TMEM63C: variants seen among roughly 807,000 people sequenced by gnomAD.
The protein encoded by TMEM63C is osmosensitive cation channel TMEM63C.
Under a neutral mutation model 99.2 loss-of-function variants are expected in TMEM63C, and 32 were observed. The ratio of observed to expected loss-of-function variants is 0.32; its 90% confidence interval spans 0.24 to 0.43. The LOEUF (loss-of-function observed/expected upper bound fraction) is 0.43. Among genes scored for constraint, TMEM63C ranks in the 20% least tolerant of loss-of-function variants. The pLI, the probability that TMEM63C is intolerant of heterozygous loss-of-function variation, is 1.00. For synonymous variants in TMEM63C, 376 were observed against 397.9 expected (o/e 0.94, Z 0.66); for missense variants, 826 against 1,053.0 (o/e 0.78, Z 2.98).
chr14:77,246,757 T>A, intron 18 of TMEM63C, 83 bp downstream of exon 18: 1 of 1,179,992 alleles, frequency 8.5e-7, no homozygotes, highest in Non-Finnish European at 1.2e-6. Flanking sequence ...GTCCAGCACC[T>A]GAATTTGCTC....
rs370276426 is a variant in TMEM63C, at chr14:77,256,626, A to T, written c.2321A>T (p.Glu774Val). Reference sequence around the variant, plus strand: ...GGCACCATGAACAACCAGCCGGAAGAGGGAGAAGAAGAGAGTGGTCTGAGG... The same window carrying T: ...GGCACCATGAACAACCAGCCGGAAGTGGGAGAAGAAGAGAGTGGTCTGAGG... The part of the protein sequence containing the change: ...TYGTMNNQPE[E>V]GEEESGLRGF... Residue 774 changes from glutamate (E) to valine (V), a missense_variant, in exon 24 of 24, where the codon GAG (glutamate) becomes GTG (valine). By Grantham distance (121) the Glu-to-Val change is moderately radical. Coordinates refer to ENST00000298351, the MANE Select transcript of TMEM63C (RefSeq NM_020431.4). 2 of 1,613,874 alleles carry T rather than the reference A, an allele frequency of 1.2e-6. No homozygotes were observed. Among genetic ancestry groups the T allele is most frequent in the African/African-American group, 2.7e-5 (2 of 74,916 alleles).
intron 3 of TMEM63C, 79 bp from the exon 4 acceptor site, chr14:77,219,419 C>A (rs1035775923): frequency 1.3e-6 from 2 of 1,488,960 alleles, no homozygotes; most frequent in Admixed American, 3.4e-5. Context: ...AGGGTCTCCC[C>A]CAAGGGAATG....
chr14:77,203,368 C>T (rs767138573), intron 1 of TMEM63C, among the ~76,000 whole-genome samples: 3 of 129,036 alleles, frequency 2.3e-5, no homozygotes, highest in Admixed American at 9.0e-5. Flanking sequence ...GGCAAAAGAG[C>T]GAAACTCCAT....
intron 12 of TMEM63C, among the ~76,000 whole-genome samples, chr14:77,240,092 A>G (rs1358745571): frequency 6.6e-6 from 1 of 152,128 alleles, no homozygotes; most frequent in African/African-American, 2.4e-5. Context: ...TCACCTGACC[A>G]CTGTGGCTCA....
chr14:77,242,503 G>A (rs760910231), intron 14 of TMEM63C, 34 bp downstream of exon 14: 2 of 1,608,820 alleles, frequency 1.2e-6, no homozygotes, highest in Admixed American at 1.7e-5. Context: ...TCTCCTCTGA[G>A]CTCCTCTGAG....
At chr14:77,216,321 T>C (rs1888585687) in intron 2 of TMEM63C, among the ~76,000 whole-genome samples, 1 of 152,194 alleles carries the variant, frequency 6.6e-6, no homozygotes, top group East Asian at 1.9e-4. Context: ...TCCCCTGCCC[T>C]GTAGATATTG....
At position 77,194,540 on chromosome 14, in the gene TMEM63C, T is replaced by TCTTC. The variant is rs1566616287; in HGVS notation, c.-77+12649_-77+12650insCCTT. Among the ~76,000 whole-genome samples the TCTTC allele has an allele frequency of 1.2e-3, 4 of 3,266 alleles. No individual in the cohort carries two copies. The East Asian group carries it at 0.12, about 96-fold the overall frequency. The allele number at this position is 3,266 out of a possible 152,430, so 2.1% of individuals were successfully genotyped here. A position where few individuals can be genotyped will look rare whatever the true frequency, so the allele number is the denominator to read the frequency against. On this transcript the variant is annotated intron_variant, in intron 1 of 23. Transcript: ENST00000298351. ...TTCTTTCTTTCTTTCTTTCTTTCTT[T>TCTTC]CTTTCTTTCTTTCTCTTTCTTTCTT...
intron 1 of TMEM63C, among the ~76,000 whole-genome samples, chr14:77,194,499 TTC>T (rs397730470): frequency 0.16 from 2,161 of 13,176 alleles, 107 homozygotes; most frequent in East Asian, 0.37. Context: ...TCTTTTTTCT[TTC>T]TTTCTTTCTT....
Position 77,244,363 on chromosome 14 carries a change from C to A in TMEM63C, c.1356C>A (p.Thr452=). The part of the protein sequence containing the change: ...PIEKLQNPIV[T]QFFPSVMLWG... ...TCCCCCTGCAGAACCCAATTGTGAC[C>A]CAGTTCTTCCCCTCTGTGATGCTCT... Residue 452 remains threonine (T), a synonymous_variant, in exon 16 of 24, where the codon ACC becomes ACA. Transcript: ENST00000298351. The A allele has an allele frequency of 6.2e-7, 1 of 1,613,794 alleles. No homozygotes were observed. The highest frequency in any genetic ancestry group is 8.5e-7 in the Non-Finnish European group (1 of 1,179,762).
intron 22 of TMEM63C, among the ~76,000 whole-genome samples, 200 bp downstream of exon 22, chr14:77,252,098 A>C (rs1889377017): frequency 1.3e-5 from 2 of 150,850 alleles, no homozygotes; most frequent in Admixed American, 6.6e-5. Context: ...CATGCCTTGC[A>C]CTAGCTTAGG....
intron 21 of TMEM63C, 161 bp from the exon 22 acceptor site, chr14:77,251,628 G>A (rs1311970080): frequency 4.8e-6 from 3 of 621,166 alleles, no homozygotes; most frequent in Non-Finnish European, 8.6e-6. Flanking sequence ...GCAAAGGGAT[G>A]ATGTTATTTT....
chr14:77,242,937 G>A lies in TMEM63C; in HGVS notation c.1222G>A (p.Ala408Thr). ...GTCTGTCCGCCGCTTCTTTTGGTGG[G>A]CCCGCTTTATCGCAATCAACACCTT... ...HLSVRRFFWWARFIAINTFLF... is the reference protein window; with the variant it reads ...HLSVRRFFWWTRFIAINTFLF... Residue 408 changes from alanine (A) to threonine (T), a missense_variant, in exon 15 of 24, where the codon GCC becomes ACC. By Grantham distance (58) the Ala-to-Thr change is moderately conservative (BLOSUM62 0). Transcript: ENST00000298351. 6.2e-7 allele frequency: 1 copy of A among 1,613,980 alleles called. No homozygotes were observed. Among genetic ancestry groups the A allele is most frequent in the Non-Finnish European group, 8.5e-7 (1 of 1,179,896 alleles).
At chr14:77,195,751 C>A (rs756959951) in intron 1 of TMEM63C, among the ~76,000 whole-genome samples, 1 of 152,196 alleles carries the variant, frequency 6.6e-6, no homozygotes, top group Non-Finnish European at 1.5e-5. Flanking sequence ...CTCCCAGTGC[C>A]GTGCTGTCTC....
intron 22 of TMEM63C, among the ~76,000 whole-genome samples, chr14:77,252,346 G>T (rs529534596): frequency 3.9e-5 from 6 of 152,186 alleles, no homozygotes; most frequent in Non-Finnish European, 7.4e-5. Context: ...TGAACTTGAG[G>T]TGGCCATGTT....
intron 6 of TMEM63C, among the ~76,000 whole-genome samples, chr14:77,230,272 C>T (rs959073174): frequency 2.0e-5 from 3 of 152,098 alleles, no homozygotes. Context: ...TGATCCACAA[C>T]TAGAACATCG....
intron 5 of TMEM63C, among the ~76,000 whole-genome samples, chr14:77,222,776 G>A (rs1888748251): frequency 6.6e-6 from 1 of 152,174 alleles, no homozygotes. Context: ...CTTCCCCAGG[G>A]AGCCCTGACC....
In TMEM63C at chr14:77,242,489, C is replaced by T. The variant is rs554063212; in HGVS notation, c.1187+20C>T. On this transcript the variant is annotated intron_variant, in intron 14 of 23. Transcript: ENST00000298351. Reference sequence around the variant, plus strand: ...TATTTGGTAAGCCTCCTCCATCCCTCCCCTCTCCTCTGAGCTCCTCTGAGA... The same window carrying T: ...TATTTGGTAAGCCTCCTCCATCCCTTCCCTCTCCTCTGAGCTCCTCTGAGA... 3.9e-4 allele frequency: 624 copies of T among 1,611,918 alleles called. 9 individuals carry two copies. The South Asian group carries it at 6.4e-3, about 17-fold the overall frequency.
chr14:77,200,565 C>A (rs1440387482), intron 1 of TMEM63C, among the ~76,000 whole-genome samples: 1 of 152,248 alleles, frequency 6.6e-6, no homozygotes, highest in South Asian at 2.1e-4. Flanking sequence ...AGGCAGCCAA[C>A]GTGGCTCTGG....
intron 1 of TMEM63C, among the ~76,000 whole-genome samples, chr14:77,191,763 C>T (rs1052349939): frequency 8.6e-5 from 13 of 152,008 alleles, no homozygotes; most frequent in South Asian, 4.1e-4. Flanking sequence ...AGGCTGGTCT[C>T]GAACTCCCGA....
Sources: gnomAD v4.1 joint callset for allele counts (sites outside exome capture counted in the v4.1 genomes callset) on GRCh38, gnomAD v4.1.1 for gene constraint, MANE v1.5 for transcripts, NCBI Gene and HGNC (gene_info 2026-07-23, HGNC 2026-07-21) for gene names.